Variants in CNTLN observed in about 807,000 individuals in gnomAD.
CNTLN encodes centlein.
A neutral mutation model predicts 180.0 loss-of-function variants in CNTLN; 212 were observed. The observed-to-expected ratio is 1.18, with a 90% CI of 1.05 to 1.32. The LOEUF is 1.32. Among genes scored for constraint, CNTLN ranks in the 40% most tolerant of loss-of-function variants. The probability of loss-of-function intolerance (pLI) is 0.00; values close to 1 mark genes in which losing one functional copy is unlikely to be tolerated. For synonymous variants in CNTLN, 722 were observed against 563.1 expected (o/e 1.28, Z -3.99); for missense variants, 2,095 against 1,610.9 (o/e 1.30, Z -5.14).
chr9:17,281,455 C>G (rs1330244529), intron 6 of CNTLN, among the ~76,000 whole-genome samples: 2 of 152,018 alleles, frequency 1.3e-5, no homozygotes, highest in East Asian at 3.9e-4. Context: ...ACACCACCCT[C>G]CCCACTGACA....
intron 25 of CNTLN, among the ~76,000 whole-genome samples, chr9:17,494,340 A>G (rs1224398856): frequency 6.6e-6 from 1 of 152,168 alleles, no homozygotes; most frequent in Non-Finnish European, 1.5e-5. Flanking sequence ...GTGTCCCCAT[A>G]AGATGATAAT....
chr9:17,450,796 G>T (rs1830738753), intron 18 of CNTLN, among the ~76,000 whole-genome samples: 1 of 151,966 alleles, frequency 6.6e-6, no homozygotes, highest in African/African-American at 2.4e-5. Context: ...AAGAAATTTT[G>T]TTACATAAAT....
At chr9:17,288,685 G>C (rs1170152915) in intron 6 of CNTLN, among the ~76,000 whole-genome samples, 1 of 137,240 alleles carries the variant, frequency 7.3e-6, no homozygotes. Context: ...TATGAATCTG[G>C]GTGTCCTGTA....
chr9:17,512,720 A>C, the CNTLN span, among the ~76,000 whole-genome samples: 1 of 152,274 alleles, frequency 6.6e-6, no homozygotes, highest in Non-Finnish European at 1.5e-5. Flanking sequence ...ACTCCTAAAA[A>C]GAAATACCAG....
chr9:17,210,419 G>T (rs553527106), intron 2 of CNTLN, among the ~76,000 whole-genome samples: 203 of 152,202 alleles, frequency 1.3e-3, no homozygotes, highest in Non-Finnish European at 2.3e-3. Context: ...CTGCATAGTA[G>T]TCCATGGTGT....
intron 25 of CNTLN, among the ~76,000 whole-genome samples, chr9:17,498,638 C>G (rs951211900): frequency 1.3e-5 from 2 of 152,184 alleles, no homozygotes; most frequent in African/African-American, 2.4e-5. Context: ...GTCCATTTTT[C>G]TCTTTATGCT....
At chr9:17,473,224 T>C (rs1339389006) in intron 23 of CNTLN, among the ~76,000 whole-genome samples, 1 of 152,204 alleles carries the variant, frequency 6.6e-6, no homozygotes, top group African/African-American at 2.4e-5. Context: ...TCCCAGTGCA[T>C]TCAGGCTCCA....
intron 18 of CNTLN, among the ~76,000 whole-genome samples, chr9:17,442,845 T>C (rs1317206895): frequency 6.6e-6 from 1 of 152,234 alleles, no homozygotes; most frequent in Non-Finnish European, 1.5e-5. Context: ...GTTTATGTAC[T>C]GTACACTTGA....
intron 9 of CNTLN, among the ~76,000 whole-genome samples, chr9:17,331,363 A>T (rs566501319): frequency 2.0e-5 from 3 of 150,828 alleles, no homozygotes; most frequent in African/African-American, 7.3e-5. Flanking sequence ...TAATGTCTCA[A>T]TTTTTTTTAG....
rs1831613986 is a variant in CNTLN at position 17,464,245 on chromosome 9, T to A, written c.3405-252T>A. On this transcript the variant is annotated intron_variant, in intron 20 of 25. Transcript: ENST00000380647. The stretch of plus-strand genomic sequence containing the variant: ...TCATAAGTGTTATTAATTTTTCTCA[T>A]TTCTTATATATTTTGTTTTAATACA... 3.3e-5 allele frequency among the ~76,000 whole-genome samples: 5 copies of A among 151,378 alleles called. No homozygotes were observed. In the South Asian group the frequency reaches 1.0e-3, roughly 31 times the overall value.
chr9:17,163,136 G>C (rs1819796659), intron 2 of CNTLN, among the ~76,000 whole-genome samples: 1 of 152,148 alleles, frequency 6.6e-6, no homozygotes, highest in Non-Finnish European at 1.5e-5. Context: ...AAAACCATCA[G>C]GTCTTGTGAG....
chr9:17,448,999 G>T (rs545269727), intron 18 of CNTLN, among the ~76,000 whole-genome samples: 37 of 152,216 alleles, frequency 2.4e-4, no homozygotes, highest in African/African-American at 2.4e-5. Context: ...CTTTCCTATT[G>T]AGGAAAGGAG....
intron 2 of CNTLN, among the ~76,000 whole-genome samples, chr9:17,154,713 G>T (rs370482462): frequency 6.6e-6 from 1 of 152,198 alleles, no homozygotes; most frequent in African/African-American, 2.4e-5. Context: ...GTTTGTAAAT[G>T]CACCAATCAG....
intron 2 of CNTLN, among the ~76,000 whole-genome samples, chr9:17,163,077 C>G (rs1819792176): frequency 6.6e-6 from 1 of 152,192 alleles, no homozygotes; most frequent in Admixed American, 6.5e-5. Flanking sequence ...AAAGTCACAT[C>G]TTACATTGTG....
At chr9:17,157,943 T>TA (rs957662457) in intron 2 of CNTLN, among the ~76,000 whole-genome samples, 3 of 152,146 alleles carry the variant, frequency 2.0e-5, no homozygotes, top group African/African-American at 7.2e-5. Context: ...ACAAAATCAT[T>TA]AAAAAATATT....
chr9:17,376,522 T>G lies in CNTLN; in HGVS notation c.1987+9805T>G, dbSNP rs112919341. On this transcript the variant is annotated intron_variant, in intron 13 of 25. Coordinates refer to ENST00000380647, the MANE Select transcript of CNTLN (RefSeq NM_017738.4). ...GCTGGAGTGCAGTGGCGCCATCTCG[T>G]CTCACTGCAAGCTCCGCCTCCCGGG... is the stretch of plus-strand genomic sequence containing the variant. 8.2e-3 allele frequency among the ~76,000 whole-genome samples: 1,241 copies of G among 151,846 alleles called. 9 individuals carry two copies. The highest frequency in any genetic ancestry group is 0.012 in the African/African-American group (481 of 41,440).
At chr9:17,299,445 T>C (rs940604871) in intron 7 of CNTLN, 5 of 976,838 alleles carry the variant, frequency 5.1e-6, no homozygotes, top group Non-Finnish European at 6.1e-6. Flanking sequence ...TTACTTCTGA[T>C]CTTACTTTTC....
intron 15 of CNTLN, 81 bp from the exon 16 acceptor site, chr9:17,409,212 A>T: frequency 7.7e-7 from 1 of 1,290,882 alleles, no homozygotes; most frequent in East Asian, 2.3e-5. Context: ...ATGCTAAAAT[A>T]TTATTTGGTC....
chr9:17,500,868 C>T (rs1189088435), intron 25 of CNTLN, among the ~76,000 whole-genome samples: 2 of 152,090 alleles, frequency 1.3e-5, no homozygotes, highest in African/African-American at 4.8e-5. Flanking sequence ...AAAATTAATG[C>T]TCTCAAGGTT....
Sources: gnomAD v4.1 joint callset for allele counts (sites outside exome capture counted in the v4.1 genomes callset) on GRCh38, gnomAD v4.1.1 for gene constraint, MANE v1.5 for transcripts, NCBI Gene and HGNC (gene_info 2026-07-23, HGNC 2026-07-21) for gene names.